Variants in ANTXR2 observed in about 807,000 individuals in gnomAD.
ANTXR2 encodes anthrax toxin receptor 2.
Under a neutral mutation model 73.7 loss-of-function variants are expected in ANTXR2, and 44 were observed. The observed-to-expected ratio is 0.60, with a 90% CI of 0.47 to 0.77. The LOEUF is 0.77. Ranked by LOEUF, ANTXR2 falls within the 30% of genes least tolerant of loss-of-function variation. The pLI is 0.00. For missense variants in ANTXR2, 604 were observed against 592.5 expected, an observed-to-expected ratio of 1.02 and a Z score of -0.20; for synonymous variants, 217 against 205.9, an observed-to-expected ratio of 1.05 and a Z score of -0.46.
At chr4:79,951,080 C>T (rs1453066324) in intron 16 of ANTXR2, among the ~76,000 whole-genome samples, 1 of 152,106 alleles carries the variant, frequency 6.6e-6, no homozygotes, top group Non-Finnish European at 1.5e-5. Context: ...CAAGATAATA[C>T]TTGTAGGAAA....
At chr4:79,915,862 C>CTATATA (rs1553925226) in intron 16 of ANTXR2, among the ~76,000 whole-genome samples, 5,987 of 123,618 alleles carry the variant, frequency 0.048, 237 homozygotes, top group Middle Eastern at 0.073. Context: ...CTCTCTCTCT[C>CTATATA]TATATATATA....
chr4:79,918,620 A>T (rs776662545), intron 16 of ANTXR2, among the ~76,000 whole-genome samples: 2 of 152,138 alleles, frequency 1.3e-5, no homozygotes, highest in Non-Finnish European at 2.9e-5. Context: ...ACCCTTTAAA[A>T]CTAAAGACAT....
chr4:79,989,297 G>A (rs1730351214), intron 12 of ANTXR2, among the ~76,000 whole-genome samples: 1 of 151,860 alleles, frequency 6.6e-6, no homozygotes. Flanking sequence ...AATCAGAAAT[G>A]ACAAAGGGGA....
intron 7 of ANTXR2, among the ~76,000 whole-genome samples, chr4:80,047,255 C>T (rs1560421601): frequency 6.6e-6 from 1 of 151,250 alleles, no homozygotes; most frequent in African/African-American, 2.4e-5. Flanking sequence ...CATGCAAATA[C>T]AAATACAGCT....
chr4:80,034,151 T>C (rs1041137200), intron 8 of ANTXR2, among the ~76,000 whole-genome samples: 4 of 152,084 alleles, frequency 2.6e-5, no homozygotes, highest in Non-Finnish European at 5.9e-5. Context: ...GAATTACTAA[T>C]AATCGATGGC....
intron 16 of ANTXR2, among the ~76,000 whole-genome samples, chr4:79,965,637 C>T (rs540214478): frequency 3.5e-4 from 53 of 152,204 alleles, no homozygotes; most frequent in African/African-American, 1.1e-3. Flanking sequence ...GCACAGAACA[C>T]ACAGGAAAAT....
At chr4:79,947,707 T>C (rs537980916) in intron 16 of ANTXR2, among the ~76,000 whole-genome samples, 2 of 152,284 alleles carry the variant, frequency 1.3e-5, no homozygotes, top group East Asian at 1.9e-4. Flanking sequence ...ACACAACTTA[T>C]TGCAAAAATG....
At chr4:80,063,658 T>C (rs967538968) in intron 3 of ANTXR2, among the ~76,000 whole-genome samples, 1 of 152,130 alleles carries the variant, frequency 6.6e-6, no homozygotes, top group Non-Finnish European at 1.5e-5. Context: ...TTTTATTTTA[T>C]AAAAATAAAA....
intron 16 of ANTXR2, among the ~76,000 whole-genome samples, chr4:79,951,909 T>C (rs1728722440): frequency 1.3e-5 from 2 of 152,150 alleles, no homozygotes; most frequent in Admixed American, 6.5e-5. Flanking sequence ...TTCCTTGAAT[T>C]GATGTTTAAA....
chr4:80,007,024 G>T (rs1010763437), intron 12 of ANTXR2, among the ~76,000 whole-genome samples: 9 of 151,812 alleles, frequency 5.9e-5, no homozygotes, highest in Non-Finnish European at 1.0e-4. Context: ...AGCATAAATT[G>T]CTATGGCAGG....
At chr4:80,040,515 A>G (rs2110091929) in intron 7 of ANTXR2, among the ~76,000 whole-genome samples, 1 of 152,198 alleles carries the variant, frequency 6.6e-6, no homozygotes, top group Middle Eastern at 3.4e-3. Flanking sequence ...AATTGTAAGG[A>G]CTTTCCCTCT....
intron 16 of ANTXR2, among the ~76,000 whole-genome samples, chr4:79,960,738 G>C (rs918136326): frequency 1.3e-5 from 2 of 151,266 alleles, no homozygotes; most frequent in African/African-American, 4.9e-5. Context: ...AAATGTTAGA[G>C]GTTGGAATTT....
chr4:80,056,352 A>G lies in ANTXR2; in HGVS notation c.297-339T>C, dbSNP rs549573056. ...TACCTTCCCTTATCCACAAAAATAC[A>G]AAAATTGAGTAGCTCATCTTCAATG... On this transcript the variant is annotated intron_variant, in intron 3 of 16. Coordinates refer to ENST00000403729, the MANE Select transcript of ANTXR2 (RefSeq NM_058172.6). Among the ~76,000 whole-genome samples the G allele has an allele frequency of 2.0e-5, 3 of 152,020 alleles. No homozygotes were observed. In the South Asian group the frequency reaches 6.2e-4, roughly 32 times the overall value.
At chr4:79,960,081 G>C (rs758787803) in intron 16 of ANTXR2, among the ~76,000 whole-genome samples, 74 of 152,264 alleles carry the variant, frequency 4.9e-4, no homozygotes, top group Non-Finnish European at 8.4e-4. Context: ...AGGCAACTAA[G>C]ATTTGAGATG....
chr4:80,048,850 A>G (rs905796600), intron 7 of ANTXR2, among the ~76,000 whole-genome samples: 7 of 151,710 alleles, frequency 4.6e-5, no homozygotes, highest in Admixed American at 3.9e-4. Context: ...AATGAAGCTT[A>G]TATCTCCAGC....
chr4:80,000,872 G>C (rs1384742681), intron 12 of ANTXR2, among the ~76,000 whole-genome samples: 1 of 151,994 alleles, frequency 6.6e-6, no homozygotes, highest in East Asian at 1.9e-4. Context: ...AGGTTCAATA[G>C]TTCAATATCT....
intron 10 of ANTXR2, among the ~76,000 whole-genome samples, chr4:80,022,635 C>G (rs1362131228): frequency 6.6e-6 from 1 of 152,194 alleles, no homozygotes; most frequent in Non-Finnish European, 1.5e-5. Flanking sequence ...TACATAACTT[C>G]TACTTCTAGT....
intron 10 of ANTXR2, among the ~76,000 whole-genome samples, chr4:80,023,441 C>G (rs1195940412): frequency 6.6e-6 from 1 of 152,106 alleles, no homozygotes; most frequent in Non-Finnish European, 1.5e-5. Context: ...ATTGTAGTAG[C>G]AATGATAATT....
intron 11 of ANTXR2, among the ~76,000 whole-genome samples, chr4:80,015,267 A>T (rs772350112): frequency 6.6e-6 from 1 of 152,324 alleles, no homozygotes; most frequent in East Asian, 1.9e-4. Flanking sequence ...GATGTTTCCA[A>T]TGGCAGCATC....
Sources: allele counts gnomAD v4.1 joint callset (sites outside exome capture counted in the v4.1 genomes callset), GRCh38; gene constraint gnomAD v4.1.1; transcripts MANE v1.5; gene names NCBI Gene and HGNC (gene_info 2026-07-23, HGNC 2026-07-21).